PPP2R3A: variants seen among roughly 807,000 people sequenced by gnomAD.
The protein encoded by PPP2R3A is serine/threonine-protein phosphatase 2A regulatory subunit B'' subunit alpha.
PPP2R3A carries 80 observed loss-of-function variants against 106.9 expected under a neutral mutation model. The ratio of observed to expected loss-of-function variants is 0.75; its 90% CI spans 0.62 to 0.90. PPP2R3A has a LOEUF of 0.90. PPP2R3A is among the 40% of genes least tolerant of loss of function. The pLI, the probability that PPP2R3A is intolerant of heterozygous loss-of-function variation, is 0.00. For missense variants in PPP2R3A, 1,386 were observed against 1,350.4 expected, an observed-to-expected ratio of 1.03 and a Z score of -0.41; for synonymous variants, 483 against 468.3, an observed-to-expected ratio of 1.03 and a Z score of -0.41.
chr3:136,080,494 G>A (rs902054516), intron 7 of PPP2R3A, among the ~76,000 whole-genome samples: 3 of 152,134 alleles, frequency 2.0e-5, no homozygotes, highest in African/African-American at 2.4e-5. Context: ...AGTTGCTGTC[G>A]TCTTCATTTT....
intron 13 of PPP2R3A, among the ~76,000 whole-genome samples, chr3:136,128,968 A>G (rs557336891): frequency 1.2e-4 from 19 of 152,330 alleles, no homozygotes; most frequent in African/African-American, 4.3e-4. Flanking sequence ...GTTTGAAACC[A>G]ATGAGAACAA....
At chr3:136,092,533 G>A (rs1236710589) in intron 10 of PPP2R3A, among the ~76,000 whole-genome samples, 2 of 151,746 alleles carry the variant, frequency 1.3e-5, no homozygotes, top group East Asian at 1.9e-4. Flanking sequence ...AATTCCTATG[G>A]AAATACAAAG....
chr3:136,026,673 A>T (rs955234211), intron 2 of PPP2R3A, among the ~76,000 whole-genome samples, 159 bp from the exon 3 acceptor site: 1 of 152,154 alleles, frequency 6.6e-6, no homozygotes, highest in Non-Finnish European at 1.5e-5. Flanking sequence ...TTTAGTGCAG[A>T]TAAGCATTCC....
At position 136,147,274 on chromosome 3, in the gene PPP2R3A, G is replaced by A. The variant is rs1376820549; in HGVS notation, c.*2108G>A. ...ACCAACTTGGGAGGCTGAGGCAGGA[G>A]AATCGCTTGAGCCCCAGGCTTCGAG... On this transcript the variant is annotated 3_prime_UTR_variant, in exon 14 of 14. Coordinates refer to ENST00000264977, the MANE Select transcript of PPP2R3A (RefSeq NM_002718.5). The A allele has an allele frequency of 6.6e-6, 1 of 152,550 alleles. No homozygotes were observed. The highest frequency in any genetic ancestry group is 2.4e-5 in the African/African-American group (1 of 41,460). The allele number at this position is 152,550 out of a possible 1,614,324, so 9.4% of individuals were successfully genotyped here. A position where few individuals can be genotyped will look rare whatever the true frequency, so the allele number is the denominator to read the frequency against.
chr3:136,136,605 TTC>T (rs1242838988), intron 13 of PPP2R3A, among the ~76,000 whole-genome samples: 1 of 152,186 alleles, frequency 6.6e-6, no homozygotes, highest in African/African-American at 2.4e-5. Flanking sequence ...CAAGAACGTT[TTC>T]TTAGTCTTGT....
Position 136,001,836 on chromosome 3 carries a change from C to T in PPP2R3A, c.338C>T (p.Ala113Val). 6.2e-7 allele frequency: 1 copy of T among 1,614,080 alleles called. No homozygotes were observed. The highest frequency in any genetic ancestry group is 8.5e-7 in the Non-Finnish European group (1 of 1,179,992). Residue 113 changes from alanine (A) to valine (V), a missense_variant, in exon 2 of 14, where the codon GCA becomes GTA. Physicochemically the swap from Ala to Val is moderately conservative, Grantham distance 64. Transcript: ENST00000264977. ...AATACCTACAACTTAAAGGATATTGCAGGAGAAGCAATCAGTTTTGCCAGT... is the reference window on the plus strand; with the variant it reads ...AATACCTACAACTTAAAGGATATTGTAGGAGAAGCAATCAGTTTTGCCAGT... Reference protein sequence around the residue: ...FQNTYNLKDIAGEAISFASGK... With the variant: ...FQNTYNLKDIVGEAISFASGK...
intron 1 of PPP2R3A, among the ~76,000 whole-genome samples, chr3:135,978,975 T>TA (rs1350935878): frequency 6.6e-6 from 1 of 151,922 alleles, no homozygotes; most frequent in Admixed American, 6.5e-5. Context: ...TCTTTAATGA[T>TA]ACGCTGATTT....
chr3:136,093,517 G>A (rs1937145895), intron 10 of PPP2R3A, among the ~76,000 whole-genome samples: 1 of 152,154 alleles, frequency 6.6e-6, no homozygotes. Context: ...TATATGATAA[G>A]GAACTTGTAT....
intron 8 of PPP2R3A, among the ~76,000 whole-genome samples, chr3:136,083,808 G>T (rs1936853043): frequency 6.6e-6 from 1 of 152,224 alleles, no homozygotes; most frequent in South Asian, 2.1e-4. Flanking sequence ...TGAGGAACTT[G>T]TTGGGAACTG....
chr3:136,010,534 C>T (rs1934029360), intron 2 of PPP2R3A, among the ~76,000 whole-genome samples: 1 of 146,308 alleles, frequency 6.8e-6, no homozygotes, highest in Admixed American at 6.9e-5. Flanking sequence ...TCACACCATA[C>T]TCCTGCCTCA....
chr3:136,141,197 C>T (rs1177887398), intron 13 of PPP2R3A, among the ~76,000 whole-genome samples: 1 of 152,126 alleles, frequency 6.6e-6, no homozygotes, highest in Non-Finnish European at 1.5e-5. Flanking sequence ...GGAGTTGCAA[C>T]TTATGGTGCT....
intron 3 of PPP2R3A, among the ~76,000 whole-genome samples, chr3:136,033,382 A>T (rs931165537): frequency 2.0e-5 from 3 of 152,162 alleles, no homozygotes; most frequent in Admixed American, 6.5e-5. Context: ...TTTTGGTATT[A>T]GGGTGATGCC....
intron 1 of PPP2R3A, among the ~76,000 whole-genome samples, chr3:135,970,080 C>T (rs1211897037): frequency 6.6e-6 from 1 of 152,224 alleles, no homozygotes; most frequent in African/African-American, 2.4e-5. Flanking sequence ...CTGTGGTCCA[C>T]CTAAGAAATT....
At chr3:136,092,737 T>A (rs561660954) in intron 10 of PPP2R3A, among the ~76,000 whole-genome samples, 31 of 152,284 alleles carry the variant, frequency 2.0e-4, no homozygotes, top group African/African-American at 7.5e-4. Context: ...GCTAATTGAT[T>A]TGCAACAAGG....
chr3:136,109,117 G>GA (rs988954922), intron 13 of PPP2R3A, among the ~76,000 whole-genome samples: 1 of 152,018 alleles, frequency 6.6e-6, no homozygotes, highest in African/African-American at 2.4e-5. Context: ...TATTCCATAA[G>GA]AAAAAAATAG....
chr3:135,975,226 T>C (rs939456461), intron 1 of PPP2R3A, among the ~76,000 whole-genome samples: 5 of 152,168 alleles, frequency 3.3e-5, no homozygotes, highest in African/African-American at 1.2e-4. Context: ...GAGGGTTCTG[T>C]GTAATGAAGA....
Position 136,002,032 on chromosome 3 carries a change from G to T in PPP2R3A, c.534G>T (p.Arg178=). 6.2e-7 allele frequency: 1 copy of T among 1,614,018 alleles called. No homozygotes were observed. Among genetic ancestry groups the T allele is most frequent in the Non-Finnish European group, 8.5e-7 (1 of 1,179,984 alleles). ...DGNAPSFGLL[R]SSSVEEKPLS... ...ACGCCCCATCCTTTGGTTTACTGCG[G>T]AGTTCCTCAGTTGAGGAAAAACCTT... Residue 178 remains arginine, a synonymous_variant, in exon 2 of 14, where the codon CGG becomes CGT. Transcript: ENST00000264977.
rs202025585 is a variant in PPP2R3A at position 135,989,506 on chromosome 3, C to CT, written c.-440-11544dup. Among the ~76,000 whole-genome samples the CT allele has an allele frequency of 7.8e-4, 105 of 134,406 alleles. 1 individual carries two copies. The South Asian group carries it at 0.015, about 19-fold the overall frequency. 88.2% of individuals were successfully genotyped at this position (134,406 alleles called of 152,430 possible). On this transcript the variant is annotated intron_variant, in intron 1 of 13. Transcript: ENST00000264977. ...TTATAGTGTGTGTTGGGTTGCAGTC[C>CT]TTTTTTTTTGCCTTTTGGAAATTCT...
intron 13 of PPP2R3A, among the ~76,000 whole-genome samples, chr3:136,129,075 T>C (rs1938297877): frequency 1.3e-5 from 2 of 151,870 alleles, no homozygotes; most frequent in South Asian, 4.2e-4. Context: ...AGGAAAGATC[T>C]AAAATCGACA....
Sources: gnomAD v4.1 joint callset for allele counts (sites outside exome capture counted in the v4.1 genomes callset) on GRCh38, gnomAD v4.1.1 for gene constraint, MANE v1.5 for transcripts, NCBI Gene and HGNC (gene_info 2026-07-23, HGNC 2026-07-21) for gene names.